The following KIF18A variants were observed in gnomAD, a reference collection of about 807,000 sequenced individuals.
The protein encoded by KIF18A is kinesin-like protein KIF18A.
KIF18A carries 67 observed loss-of-function variants against 103.3 expected under a neutral mutation model. The observed-to-expected ratio is 0.65, with a 90% CI of 0.53 to 0.79. The LOEUF is 0.79. Ranked by LOEUF, KIF18A falls within the 30% of genes least tolerant of loss-of-function variation. The probability of loss-of-function intolerance (pLI) is 0.00; values close to 1 mark genes in which losing one functional copy is unlikely to be tolerated. For synonymous variants in KIF18A, 367 were observed against 355.5 expected (o/e 1.03, Z -0.36); for missense variants, 1,032 against 1,062.5 (o/e 0.97, Z 0.40).
rs1354310401 is a variant in KIF18A, at chr11:28,023,777, T to A, written c.2578A>T (p.Ser860Cys). The part of the protein sequence containing the change: ...FAKRVRQDNS[S>C]EKHLQENKPT... The stretch of plus-strand genomic sequence containing the variant: ...TTGTTTTCTTGTAAGTGCTTCTCAC[T>A]TGAATTATCTTGTCGAACACGTTTG... Residue 860 changes from serine to cysteine, a missense_variant, in exon 16 of 17, where the codon AGT becomes TGT. Coordinates refer to ENST00000263181, the MANE Select transcript of KIF18A (RefSeq NM_031217.4). The A allele has an allele frequency of 3.1e-6, 5 of 1,612,752 alleles. No homozygotes were observed. The highest frequency in any genetic ancestry group is 1.1e-5 in the South Asian group (1 of 91,016).
At chr11:28,041,194 G>A (rs1017276768) in intron 13 of KIF18A, among the ~76,000 whole-genome samples, 1 of 151,712 alleles carries the variant, frequency 6.6e-6, no homozygotes, top group East Asian at 1.9e-4. Flanking sequence ...GGAGAAGGCA[G>A]ATGACAATAA....
In KIF18A at chr11:28,082,908, T is replaced by C. The variant is rs2133552733; in HGVS notation, c.1210A>G (p.Asn404Asp). The C allele has an allele frequency of 1.2e-6, 2 of 1,606,598 alleles. No homozygotes were observed. The highest frequency in any genetic ancestry group is 1.7e-6 in the Non-Finnish European group (2 of 1,175,752). The change falls in exon 9 of 17, where the codon AAT becomes GAT. Residue 404 changes from asparagine to aspartate, a missense_variant. Asn to Asp is a conservative substitution (Grantham distance 23). Transcript: ENST00000263181. ...YEEQKAFTNE[N>D]DQAKLMISNP... ...GAAATCATTAACTTTGCTTGGTCAT[T>C]TTCATTAGTGAAGGCTTTCTGTTCT... is the stretch of plus-strand genomic sequence containing the variant.
chr11:28,051,507 A>G (rs1590678283), intron 13 of KIF18A, among the ~76,000 whole-genome samples: 1 of 151,980 alleles, frequency 6.6e-6, no homozygotes, highest in East Asian at 1.9e-4. Flanking sequence ...TAACACCAAC[A>G]TAAATTAGGA....
At chr11:28,093,594 G>A (rs1406888126) in intron 3 of KIF18A, among the ~76,000 whole-genome samples, 2 of 152,038 alleles carry the variant, frequency 1.3e-5, no homozygotes, top group Non-Finnish European at 2.9e-5. Context: ...GGACACAAGA[G>A]ACAACATGAA....
At chr11:28,054,731 TAGTAA>T (rs1590681172) in intron 13 of KIF18A, among the ~76,000 whole-genome samples, 1 of 152,220 alleles carries the variant, frequency 6.6e-6, no homozygotes, top group East Asian at 1.9e-4. Context: ...TTGAATGAAA[TAGTAA>T]AGTAACGAAC....
chr11:28,076,935 G>GAA (rs11433506), intron 10 of KIF18A, 72 bp downstream of exon 10: 11,523 of 292,010 alleles, frequency 0.039, 33 homozygotes, highest in Middle Eastern at 0.049. Flanking sequence ...GACTCCTTCT[G>GAA]AAAAAAAAAA....
intron 2 of KIF18A, among the ~76,000 whole-genome samples, chr11:28,096,957 G>C (rs1227133575): frequency 6.6e-6 from 1 of 151,674 alleles, no homozygotes; most frequent in Non-Finnish European, 1.5e-5. Flanking sequence ...TGCTTCTTGG[G>C]CTAACAATGA....
chr11:28,050,209 G>A (rs1198374086), intron 13 of KIF18A, among the ~76,000 whole-genome samples: 1 of 151,650 alleles, frequency 6.6e-6, no homozygotes, highest in Non-Finnish European at 1.5e-5. Flanking sequence ...GAAAAGAAGG[G>A]ACAATACAAA....
rs189230133 is a variant in KIF18A, at chr11:28,094,909, C to A, written c.326-109G>T. On this transcript the variant is annotated intron_variant, in intron 2 of 16. Coordinates refer to ENST00000263181, the MANE Select transcript of KIF18A (RefSeq NM_031217.4). ...GGATATCCTGAACAGTATCTTTAAA[C>A]CCTACAAATCCAAAATTATAGTCTT... is the stretch of plus-strand genomic sequence containing the variant. 61 of 1,018,882 alleles carry A rather than the reference C, an allele frequency of 6.0e-5. No individual in the cohort carries two copies. In the African/African-American group the frequency reaches 9.2e-4, roughly 15 times the overall value. 63.1% of individuals were successfully genotyped at this position (1,018,882 alleles called of 1,614,324 possible).
intron 1 of KIF18A, 62 bp from the exon 2 acceptor site, chr11:28,098,055 G>T: frequency 1.2e-6 from 1 of 820,060 alleles, no homozygotes; most frequent in South Asian, 1.9e-5. Flanking sequence ...AAAACAACTG[G>T]CATGTAGTAT....
In KIF18A at chr11:28,104,974, T is replaced by G. The variant is rs1851487111; in HGVS notation, c.-47+3090A>C. On this transcript the variant is annotated intron_variant, in intron 1 of 16. Coordinates refer to ENST00000263181, the MANE Select transcript of KIF18A (RefSeq NM_031217.4). The stretch of plus-strand genomic sequence containing the variant: ...AGGTTTATTTTCCATTTCATATTCT[T>G]TTGTAATATTTAAATTTTAAACAAG... Among the ~76,000 whole-genome samples, 3 of 152,284 alleles carry G rather than the reference T, an allele frequency of 2.0e-5. No individual in the cohort carries two copies. In the South Asian group the frequency reaches 6.2e-4, roughly 32 times the overall value.
chr11:28,034,335 C>G (rs1850451545), intron 15 of KIF18A, among the ~76,000 whole-genome samples: 1 of 151,666 alleles, frequency 6.6e-6, no homozygotes, highest in South Asian at 2.1e-4. Flanking sequence ...AACATTGATG[C>G]AGAGCAAAGA....
At chr11:28,076,963 T>G (rs1851101207) in intron 10 of KIF18A, 44 bp downstream of exon 10, 151 of 759,188 alleles carry the variant, frequency 2.0e-4, no homozygotes, top group Middle Eastern at 4.6e-4. Flanking sequence ...AAAGCCCCCA[T>G]GTTTTTATAC....
At chr11:28,041,364 A>T (rs1045289991) in intron 13 of KIF18A, among the ~76,000 whole-genome samples, 6 of 151,810 alleles carry the variant, frequency 4.0e-5, no homozygotes, top group African/African-American at 1.4e-4. Flanking sequence ...CTAAGGAGGC[A>T]GTTCTATGAA....
chr11:28,039,434 T>A (rs1196934618), intron 13 of KIF18A, among the ~76,000 whole-genome samples: 1 of 151,754 alleles, frequency 6.6e-6, no homozygotes, highest in Non-Finnish European at 1.5e-5. Context: ...TTTTAAACTT[T>A]AAAATACAAT....
chr11:28,102,504 AG>A (rs1448880922), intron 1 of KIF18A, among the ~76,000 whole-genome samples: 1 of 152,166 alleles, frequency 6.6e-6, no homozygotes, highest in African/African-American at 2.4e-5. Context: ...ACATGCTCTC[AG>A]GACCTCCTGA....
intron 15 of KIF18A, among the ~76,000 whole-genome samples, chr11:28,032,515 C>T (rs938441497): frequency 6.6e-6 from 1 of 151,804 alleles, no homozygotes; most frequent in African/African-American, 2.4e-5. Context: ...GGCATAAAAC[C>T]AGACACACAA....
intron 10 of KIF18A, among the ~76,000 whole-genome samples, chr11:28,072,489 T>C (rs529211736): frequency 2.0e-5 from 3 of 152,236 alleles, no homozygotes; most frequent in African/African-American, 7.2e-5. Context: ...AAACATAAAA[T>C]TCCTTGCCTT....
At chr11:28,080,178 GTCTCCACTATCTTATA>G (rs1364593874) in intron 9 of KIF18A, among the ~76,000 whole-genome samples, 18 of 152,022 alleles carry the variant, frequency 1.2e-4, no homozygotes, top group Admixed American at 1.2e-3. Flanking sequence ...AACTGGCTTT[GTCTCCACTATCTTATA>G]CCTAAGTTCT....
Sources: gnomAD v4.1 joint callset for allele counts (sites outside exome capture counted in the v4.1 genomes callset) on GRCh38, gnomAD v4.1.1 for gene constraint, MANE v1.5 for transcripts, NCBI Gene and HGNC (gene_info 2026-07-23, HGNC 2026-07-21) for gene names.